LRBA: variants seen among roughly 807,000 people sequenced by gnomAD.
LRBA encodes the protein lipopolysaccharide-responsive and beige-like anchor protein.
A neutral mutation model predicts 330.0 loss-of-function variants in LRBA; 176 were observed. That is an observed-to-expected ratio of 0.53 (90% CI 0.47 to 0.60). The LOEUF (loss-of-function observed/expected upper bound fraction) is 0.60, where lower values mean the gene tolerates loss of function less well. LRBA is among the 20% of genes least tolerant of loss of function. LRBA has a pLI of 0.00. For missense variants in LRBA, 3,259 were observed against 3,444.8 expected (o/e 0.95, Z 1.35); for synonymous variants, 1,230 against 1,193.0 (o/e 1.03, Z -0.64).
intron 22 of LRBA, among the ~76,000 whole-genome samples, chr4:150,855,852 G>C (rs1751162400): frequency 6.6e-6 from 1 of 152,086 alleles, no homozygotes; most frequent in South Asian, 2.1e-4. Flanking sequence ...GTATTTTAAA[G>C]AGCAATACTG....
chr4:150,374,277 AT>A (rs1740896228), intron 47 of LRBA, among the ~76,000 whole-genome samples: 1 of 152,168 alleles, frequency 6.6e-6, no homozygotes, highest in Non-Finnish European at 1.5e-5. Flanking sequence ...CCAGAGACAC[AT>A]TTCCTTGTCT....
intron 37 of LRBA, among the ~76,000 whole-genome samples, chr4:150,620,060 G>A (rs1318145157): frequency 6.6e-6 from 1 of 151,912 alleles, no homozygotes; most frequent in African/African-American, 2.4e-5. Flanking sequence ...AAACTATACT[G>A]ACATATTAAA....
chr4:150,841,746 G>C (rs1046036310), intron 28 of LRBA, among the ~76,000 whole-genome samples: 1 of 151,798 alleles, frequency 6.6e-6, no homozygotes, highest in Non-Finnish European at 1.5e-5. Context: ...TCCGCCTCCC[G>C]AGTTCACGCC....
At chr4:150,971,493 C>T (rs1390729819) in intron 2 of LRBA, among the ~76,000 whole-genome samples, 2 of 152,146 alleles carry the variant, frequency 1.3e-5, no homozygotes, top group Non-Finnish European at 2.9e-5. Context: ...CAACTCAACA[C>T]AACAGAAATT....
intron 30 of LRBA, among the ~76,000 whole-genome samples, chr4:150,827,560 G>C (rs1746449874): frequency 6.6e-6 from 1 of 151,228 alleles, no homozygotes; most frequent in Admixed American, 6.6e-5. Context: ...TTCACCTGAT[G>C]AACAGTAATA....
intron 30 of LRBA, among the ~76,000 whole-genome samples, chr4:150,817,606 T>C (rs1744792532): frequency 6.6e-6 from 1 of 151,652 alleles, no homozygotes; most frequent in African/African-American, 2.4e-5. Context: ...AAAGCACTGC[T>C]AATCTGAAAT....
intron 35 of LRBA, among the ~76,000 whole-genome samples, chr4:150,757,214 AT>A (rs1734430289): frequency 6.6e-6 from 1 of 152,210 alleles, no homozygotes; most frequent in African/African-American, 2.4e-5. Flanking sequence ...AAAACAATGT[AT>A]TTAAAAATAT....
intron 56 of LRBA, 60 bp downstream of exon 56, chr4:150,277,793 C>A: frequency 6.5e-7 from 1 of 1,538,190 alleles, no homozygotes; most frequent in Non-Finnish European, 8.9e-7. Flanking sequence ...TAAGCCAACA[C>A]GACCAGTCCC....
intron 2 of LRBA, among the ~76,000 whole-genome samples, chr4:150,994,791 G>A (rs1278493602): frequency 6.6e-6 from 1 of 152,206 alleles, no homozygotes; most frequent in Non-Finnish European, 1.5e-5. Flanking sequence ...AAAAGTACTT[G>A]TGATTCAGAA....
intron 26 of LRBA, 87 bp downstream of exon 26, chr4:150,848,731 C>A: frequency 9.7e-7 from 1 of 1,030,678 alleles, no homozygotes; most frequent in South Asian, 1.7e-5. Flanking sequence ...ATTTTCTCAC[C>A]AACAGAAGAC....
intron 2 of LRBA, among the ~76,000 whole-genome samples, chr4:151,008,071 G>A (rs1579483101): frequency 2.0e-5 from 3 of 151,134 alleles, no homozygotes; most frequent in African/African-American, 7.3e-5. Context: ...AAAATGAGAA[G>A]TTTTTTTCTT....
At chr4:150,734,664 T>C (rs1730955065) in intron 36 of LRBA, among the ~76,000 whole-genome samples, 1 of 152,158 alleles carries the variant, frequency 6.6e-6, no homozygotes, top group African/African-American at 2.4e-5. Context: ...TAATTTCCTC[T>C]AGAAATTTGT....
At chr4:151,004,590 G>T (rs1383825030) in intron 2 of LRBA, among the ~76,000 whole-genome samples, 1 of 152,198 alleles carries the variant, frequency 6.6e-6, no homozygotes, top group African/African-American at 2.4e-5. Flanking sequence ...ACTGGGAAAA[G>T]CTAACATGTG....
chr4:150,564,216 C>T (rs1302196053), intron 40 of LRBA, among the ~76,000 whole-genome samples: 2 of 152,078 alleles, frequency 1.3e-5, no homozygotes, highest in African/African-American at 4.8e-5. Flanking sequence ...AGAACAGAGG[C>T]CTCAGAAATA....
At chr4:150,506,918 T>C (rs1761164609) in intron 40 of LRBA, among the ~76,000 whole-genome samples, 3 of 152,054 alleles carry the variant, frequency 2.0e-5, no homozygotes, top group African/African-American at 7.2e-5. Flanking sequence ...TCACAAGCAT[T>C]CTTATACACG....
intron 2 of LRBA, among the ~76,000 whole-genome samples, chr4:151,004,133 G>C (rs1201504670): frequency 1.3e-5 from 2 of 152,014 alleles, no homozygotes; most frequent in Non-Finnish European, 2.9e-5. Flanking sequence ...TGCCCAACTG[G>C]GTTCAAGCAA....
At chr4:150,482,855 AT>A (rs575016989) in intron 42 of LRBA, among the ~76,000 whole-genome samples, 19 of 147,460 alleles carry the variant, frequency 1.3e-4, no homozygotes, top group African/African-American at 2.5e-4. Context: ...CAAAACTTAC[AT>A]TTTTTTTTTG....
At chr4:150,414,785 C>T (rs1747496622) in intron 47 of LRBA, among the ~76,000 whole-genome samples, 1 of 152,146 alleles carries the variant, frequency 6.6e-6, no homozygotes, top group Admixed American at 6.5e-5. Flanking sequence ...GCCACCGCAC[C>T]CGGCCAAGAT....
rs544038058 is a variant in LRBA at position 150,479,031 on chromosome 4, C to T, written c.6552-7292G>A. 1.8e-4 allele frequency among the ~76,000 whole-genome samples: 27 copies of T among 152,118 alleles called. No individual in the cohort carries two copies. In the South Asian group the frequency reaches 3.5e-3, roughly 20 times the overall value. Reference sequence around the variant, plus strand: ...GGGCACAGTGGCTCATGCCTATAATCCCAGCACTTTAGGAGGCTGAGGTGG... The same window carrying T: ...GGGCACAGTGGCTCATGCCTATAATTCCAGCACTTTAGGAGGCTGAGGTGG... On this transcript the variant is annotated intron_variant, in intron 42 of 56. Coordinates refer to ENST00000651943, the MANE Select transcript of LRBA (RefSeq NM_001364905.1).
Sources: allele counts gnomAD v4.1 joint callset (sites outside exome capture counted in the v4.1 genomes callset), GRCh38; gene constraint gnomAD v4.1.1; transcripts MANE v1.5; gene names NCBI Gene and HGNC (gene_info 2026-07-23, HGNC 2026-07-21).